The following ADAMTS6 variants were observed in gnomAD, a reference collection of about 807,000 sequenced individuals.
ADAMTS6 encodes ADAM metallopeptidase with thrombospondin type 1 motif 6.
In ADAMTS6, 23 loss-of-function variants were observed where a neutral mutation model predicts 144.3. That is an observed-to-expected ratio of 0.16 (90% CI 0.11 to 0.23). The LOEUF (loss-of-function observed/expected upper bound fraction) is 0.23, where lower values mean the gene tolerates loss of function less well. ADAMTS6 is among the 10% of genes least tolerant of loss of function. The pLI is 1.00. For missense variants in ADAMTS6, 999 were observed against 1,379.6 expected, an observed-to-expected ratio of 0.72 and a Z score of 4.37; for synonymous variants, 444 against 457.5, an observed-to-expected ratio of 0.97 and a Z score of 0.38.
rs375324072 is a variant in ADAMTS6, at chr5:65,290,379, C to T, written c.1512+950G>A. On this transcript the variant is annotated intron_variant, in intron 11 of 24. Transcript: ENST00000381055. ...CAGCCTGGCCAACATGGCAAAACCCCGTCTCTACTAAAAATACAAAAATCA... is the reference window on the plus strand; with the variant it reads ...CAGCCTGGCCAACATGGCAAAACCCTGTCTCTACTAAAAATACAAAAATCA... 2.4e-4 allele frequency among the ~76,000 whole-genome samples: 36 copies of T among 152,128 alleles called. No individual in the cohort carries two copies. In the South Asian group the frequency reaches 7.1e-3, roughly 30 times the overall value.
chr5:65,466,713 T>C (rs1760034444), intron 3 of ADAMTS6, among the ~76,000 whole-genome samples: 2 of 152,184 alleles, frequency 1.3e-5, no homozygotes, highest in African/African-American at 4.8e-5. Context: ...CTTTATAATA[T>C]TCAGAGGGAC....
At chr5:65,180,613 T>G (rs1754288471) in intron 22 of ADAMTS6, among the ~76,000 whole-genome samples, 1 of 152,162 alleles carries the variant, frequency 6.6e-6, no homozygotes, top group Non-Finnish European at 1.5e-5. Context: ...GGTCTCCTGT[T>G]TCCTCCTCTT....
rs375359250 is a variant in ADAMTS6 at position 65,226,239 on chromosome 5, G to A, written c.1934-20C>T. The A allele has an allele frequency of 2.7e-5, 43 of 1,608,674 alleles. No homozygotes were observed. The African/African-American group carries it at 5.5e-4, about 21-fold the overall frequency. On this transcript the variant is annotated intron_variant, in intron 15 of 24. Transcript: ENST00000381055. ...CCCCACCTGGACAAATACAGTAGAA[G>A]AGAAATAAGTGGAGTGGTTGTCCTA... is the stretch of plus-strand genomic sequence containing the variant.
At chr5:65,354,134 C>G in intron 7 of ADAMTS6, among the ~76,000 whole-genome samples, 1 of 151,870 alleles carries the variant, frequency 6.6e-6, no homozygotes, top group African/African-American at 2.4e-5. Context: ...TCCTTGAGCT[C>G]CAGCTGCTCT....
intron 7 of ADAMTS6, among the ~76,000 whole-genome samples, chr5:65,432,818 C>T (rs1271583690): frequency 2.0e-5 from 3 of 152,100 alleles, no homozygotes; most frequent in Admixed American, 6.6e-5. Flanking sequence ...CTACATGTCA[C>T]TTCTTTTCCT....
intron 15 of ADAMTS6, among the ~76,000 whole-genome samples, chr5:65,240,168 A>G (rs1030811415): frequency 6.6e-6 from 1 of 152,106 alleles, no homozygotes; most frequent in African/African-American, 2.4e-5. Context: ...ATAAAAAAGA[A>G]TAAACTTTTT....
At chr5:65,160,060 T>C (rs1468543463) in intron 24 of ADAMTS6, among the ~76,000 whole-genome samples, 1 of 152,220 alleles carries the variant, frequency 6.6e-6, no homozygotes, top group South Asian at 2.1e-4. Flanking sequence ...TACCCAAACC[T>C]TGGTAGTCAA....
At chr5:65,170,843 G>T in intron 23 of ADAMTS6, 70 bp from the exon 24 acceptor site, 6 of 1,492,556 alleles carry the variant, frequency 4.0e-6, no homozygotes, top group Non-Finnish European at 4.6e-6. Flanking sequence ...AATATACTAT[G>T]TCATTTCAAA....
chr5:65,255,594 TTA>T (rs1760582463), intron 14 of ADAMTS6, among the ~76,000 whole-genome samples: 1 of 152,192 alleles, frequency 6.6e-6, no homozygotes. Flanking sequence ...CTGGAACAGT[TTA>T]TCTTTTCTCT....
At chr5:65,416,000 T>C in intron 7 of ADAMTS6, 1 of 190,306 alleles carries the variant, frequency 5.3e-6, no homozygotes, top group Admixed American at 5.9e-5. Flanking sequence ...CTGGTATCGA[T>C]GACTGCTACA....
intron 15 of ADAMTS6, among the ~76,000 whole-genome samples, chr5:65,237,956 A>G (rs1758820155): frequency 6.6e-6 from 1 of 151,808 alleles, no homozygotes; most frequent in Non-Finnish European, 1.5e-5. Context: ...GCATGGTGGC[A>G]CACACCTGCA....
chr5:65,369,592 C>G (rs1367311333), intron 7 of ADAMTS6, among the ~76,000 whole-genome samples: 5 of 151,222 alleles, frequency 3.3e-5, no homozygotes, highest in Non-Finnish European at 4.4e-5. Flanking sequence ...TAATTACAGC[C>G]ACCCAGATTT....
At chr5:65,388,900 C>T (rs1752682941) in intron 7 of ADAMTS6, among the ~76,000 whole-genome samples, 1 of 152,092 alleles carries the variant, frequency 6.6e-6, no homozygotes, top group Admixed American at 6.6e-5. Flanking sequence ...AAAAAAGTCA[C>T]AATGCTATAG....
At chr5:65,399,607 T>C (rs535489269) in intron 7 of ADAMTS6, among the ~76,000 whole-genome samples, 1 of 152,292 alleles carries the variant, frequency 6.6e-6, no homozygotes, top group African/African-American at 2.4e-5. Flanking sequence ...AATAAAACTA[T>C]ACTGCTTCAT....
At chr5:65,286,355 G>A (rs1439922117) in intron 11 of ADAMTS6, among the ~76,000 whole-genome samples, 1 of 152,076 alleles carries the variant, frequency 6.6e-6, no homozygotes, top group Non-Finnish European at 1.5e-5. Context: ...CATCCATCAT[G>A]ACACCATGTA....
chr5:65,304,356 C>A (rs1264214392), intron 9 of ADAMTS6, among the ~76,000 whole-genome samples: 1 of 152,228 alleles, frequency 6.6e-6, no homozygotes, highest in East Asian at 1.9e-4. Context: ...TCTTTTTTGG[C>A]AGATGTATAC....
chr5:65,289,218 C>A (rs997741516), intron 11 of ADAMTS6, among the ~76,000 whole-genome samples: 1 of 152,116 alleles, frequency 6.6e-6, no homozygotes, highest in Non-Finnish European at 1.5e-5. Context: ...TTACAGAAGT[C>A]TTTATAAACA....
intron 7 of ADAMTS6, among the ~76,000 whole-genome samples, chr5:65,345,227 C>T (rs537987333): frequency 4.9e-4 from 74 of 151,582 alleles, no homozygotes; most frequent in Non-Finnish European, 9.2e-4. Context: ...ATCTAATAAC[C>T]TTCCAATTTC....
chr5:65,168,947 G>A (rs1489001847), intron 24 of ADAMTS6, among the ~76,000 whole-genome samples: 13 of 145,042 alleles, frequency 9.0e-5, no homozygotes, highest in Non-Finnish European at 2.0e-4. Context: ...AGAAAACCTA[G>A]GCGTTACCAT....
Sources: allele counts gnomAD v4.1 joint callset (sites outside exome capture counted in the v4.1 genomes callset), GRCh38; gene constraint gnomAD v4.1.1; transcripts MANE v1.5; gene names NCBI Gene and HGNC (gene_info 2026-07-23, HGNC 2026-07-21).